Variants in BCHE observed in about 807,000 individuals in gnomAD.
BCHE encodes the protein cholinesterase.
In BCHE, 48 loss-of-function variants were observed where a neutral mutation model predicts 51.3. That is an observed-to-expected ratio of 0.94 (90% CI 0.74 to 1.19). BCHE has a LOEUF of 1.19. Among genes scored for constraint, BCHE ranks in the 50% most tolerant of loss-of-function variants. The pLI, the probability that BCHE is intolerant of heterozygous loss-of-function variation, is 0.00. For synonymous variants in BCHE, 251 were observed against 238.0 expected, an observed-to-expected ratio of 1.05 and a Z score of -0.50; for missense variants, 847 against 708.2, an observed-to-expected ratio of 1.20 and a Z score of -2.23.
At chr3:165,782,915 A>T (rs1472584154) in intron 3 of BCHE, among the ~76,000 whole-genome samples, 1 of 151,944 alleles carries the variant, frequency 6.6e-6, no homozygotes, top group Non-Finnish European at 1.5e-5. Flanking sequence ...CCATGAACTC[A>T]TCACCTCCCG....
At chr3:165,791,076 C>A (rs1187122847) in intron 2 of BCHE, among the ~76,000 whole-genome samples, 2 of 152,058 alleles carry the variant, frequency 1.3e-5, no homozygotes, top group East Asian at 3.9e-4. Context: ...GTGGGCAGGT[C>A]ACGAGGTCAG....
At chr3:165,814,995 TA>T (rs1158019773) in intron 2 of BCHE, among the ~76,000 whole-genome samples, 1 of 148,740 alleles carries the variant, frequency 6.7e-6, no homozygotes, top group Non-Finnish European at 1.5e-5. Context: ...TATTTATAAT[TA>T]AATATTAGTA....
intron 2 of BCHE, among the ~76,000 whole-genome samples, chr3:165,810,241 A>T (rs138880213): frequency 1.9e-3 from 285 of 152,306 alleles, no homozygotes; most frequent in African/African-American, 6.7e-3. Flanking sequence ...TGAGGTAAGG[A>T]TATTCTTCTG....
At chr3:165,814,237 TCTC>T (rs1409732894) in intron 2 of BCHE, among the ~76,000 whole-genome samples, 1 of 152,094 alleles carries the variant, frequency 6.6e-6, no homozygotes, top group African/African-American at 2.4e-5. Context: ...TTTATGTTAT[TCTC>T]CTCTCATTCT....
chr3:165,812,645 C>T (rs1714145403), intron 2 of BCHE, among the ~76,000 whole-genome samples: 1 of 151,868 alleles, frequency 6.6e-6, no homozygotes, highest in African/African-American at 2.4e-5. Context: ...AAATATTTTA[C>T]ATAAAAATTT....
chr3:165,826,734 A>G (rs1714736498), intron 2 of BCHE, among the ~76,000 whole-genome samples: 1 of 152,192 alleles, frequency 6.6e-6, no homozygotes. Context: ...ATTTTCCTAA[A>G]TGATAATTAC....
chr3:165,796,683 A>G (rs1713391042), intron 2 of BCHE, among the ~76,000 whole-genome samples: 1 of 152,194 alleles, frequency 6.6e-6, no homozygotes. Context: ...TATTATGTGA[A>G]CATTTTAATC....
intron 1 of BCHE, among the ~76,000 whole-genome samples, chr3:165,834,723 C>A (rs952668748): frequency 6.6e-6 from 1 of 151,452 alleles, no homozygotes; most frequent in African/African-American, 2.4e-5. Flanking sequence ...AATATTGAGT[C>A]TATATCTCAA....
chr3:165,785,955 A>T (rs1437793934), intron 3 of BCHE, among the ~76,000 whole-genome samples, 190 bp downstream of exon 3: 4 of 151,700 alleles, frequency 2.6e-5, no homozygotes, highest in Admixed American at 2.0e-4. Flanking sequence ...CTGGTCATAT[A>T]GTAAGAGTTC....
At chr3:165,827,656 A>C (rs886994181) in intron 2 of BCHE, among the ~76,000 whole-genome samples, 6 of 152,040 alleles carry the variant, frequency 3.9e-5, no homozygotes, top group African/African-American at 1.4e-4. Context: ...AATTTCAAAA[A>C]TCATCCTTAA....
At chr3:165,782,606 G>A (rs903417320) in intron 3 of BCHE, among the ~76,000 whole-genome samples, 1 of 152,092 alleles carries the variant, frequency 6.6e-6, no homozygotes, top group Admixed American at 6.6e-5. Context: ...CCAGAGCTAA[G>A]TCTATTTAAC....
intron 2 of BCHE, among the ~76,000 whole-genome samples, chr3:165,807,530 ATTTATTTATTTATTTATT>A (rs1350744329): frequency 1.3e-5 from 2 of 150,824 alleles, no homozygotes; most frequent in African/African-American, 2.4e-5. Flanking sequence ...TTATTTATTT[ATTTATTTATTTATTTATT>A]TTTATTTATT....
At chr3:165,780,717 T>C (rs1576834976) in intron 3 of BCHE, among the ~76,000 whole-genome samples, 1 of 152,198 alleles carries the variant, frequency 6.6e-6, no homozygotes, top group East Asian at 1.9e-4. Context: ...TGAGATACCA[T>C]CTCACACCAG....
chr3:165,798,151 C>A (rs1400876891), intron 2 of BCHE, among the ~76,000 whole-genome samples: 1 of 152,064 alleles, frequency 6.6e-6, no homozygotes, highest in Non-Finnish European at 1.5e-5. Context: ...AAAGGTTTTA[C>A]CTGAGTAAGT....
chr3:165,814,486 C>G (rs192253810), intron 2 of BCHE, among the ~76,000 whole-genome samples: 1 of 152,102 alleles, frequency 6.6e-6, no homozygotes, highest in Non-Finnish European at 1.5e-5. Flanking sequence ...TTAATCCTTA[C>G]TTTCCTCAGC....
At chr3:165,822,079 G>C (rs975040853) in intron 2 of BCHE, among the ~76,000 whole-genome samples, 1 of 151,976 alleles carries the variant, frequency 6.6e-6, no homozygotes, top group African/African-American at 2.4e-5. Flanking sequence ...TTGTTAAGTA[G>C]CTTGTGATTT....
chr3:165,831,108 A>G (rs2108236276), intron 1 of BCHE, 67 bp from the exon 2 acceptor site: 1 of 1,336,674 alleles, frequency 7.5e-7, no homozygotes, highest in Non-Finnish European at 1.0e-6. Flanking sequence ...TTTATTGATG[A>G]TAATTACCTA....
At chr3:165,802,126 CT>C (rs1404280808) in intron 2 of BCHE, among the ~76,000 whole-genome samples, 1 of 152,186 alleles carries the variant, frequency 6.6e-6, no homozygotes, top group Non-Finnish European at 1.5e-5. Flanking sequence ...GAATCACCAG[CT>C]TTGCAACCAG....
At chr3:165,816,019 CA>C (rs199996767) in intron 2 of BCHE, among the ~76,000 whole-genome samples, 2 of 150,170 alleles carry the variant, frequency 1.3e-5, no homozygotes, top group African/African-American at 4.9e-5. Flanking sequence ...TGTCTTTCAT[CA>C]AAAAAAAATC....
Sources: gnomAD v4.1 joint callset for allele counts (sites outside exome capture counted in the v4.1 genomes callset) on GRCh38, gnomAD v4.1.1 for gene constraint, MANE v1.5 for transcripts, NCBI Gene and HGNC (gene_info 2026-07-23, HGNC 2026-07-21) for gene names.